Variants in ATP10A observed in about 807,000 individuals in gnomAD.
ATP10A encodes the protein phospholipid-transporting ATPase VA.
Under a neutral mutation model 147.8 loss-of-function variants are expected in ATP10A, and 111 were observed. The observed-to-expected ratio is 0.75, with a 90% confidence interval of 0.64 to 0.88. The LOEUF (loss-of-function observed/expected upper bound fraction) is 0.88, where lower values mean the gene tolerates loss of function less well. ATP10A is among the 40% of genes least tolerant of loss of function. The pLI is 0.00. For missense variants in ATP10A, 1,927 were observed against 1,959.0 expected (o/e 0.98, Z 0.31); for synonymous variants, 875 against 841.6 (o/e 1.04, Z -0.69).
chr15:25,685,901 G>T (rs1899687684), intron 16 of ATP10A, among the ~76,000 whole-genome samples: 3 of 151,824 alleles, frequency 2.0e-5, no homozygotes, highest in Admixed American at 2.0e-4. Context: ...TAGAAAGGGG[G>T]CTTGGATTCT....
chr15:25,728,023 C>T (rs1356760367), intron 3 of ATP10A, among the ~76,000 whole-genome samples: 2 of 152,168 alleles, frequency 1.3e-5, no homozygotes, highest in East Asian at 1.9e-4. Context: ...TGCTGTGGTT[C>T]CAGGTTTCCA....
chr15:25,820,762 C>A (rs1891845508), intron 1 of ATP10A, among the ~76,000 whole-genome samples: 1 of 151,988 alleles, frequency 6.6e-6, no homozygotes, highest in African/African-American at 2.4e-5. Flanking sequence ...ACACCTGTAC[C>A]CAAACAGAAT....
chr15:25,824,952 GGAGTCT>G (rs1892056051), intron 1 of ATP10A, among the ~76,000 whole-genome samples: 1 of 152,138 alleles, frequency 6.6e-6, no homozygotes, highest in Non-Finnish European at 1.5e-5. Context: ...CTTAAGCCCA[GGAGTCT>G]GAGGTTGCAG....
intron 12 of ATP10A, 86 bp from the exon 13 acceptor site, chr15:25,702,186 C>T (rs2140346186): frequency 7.3e-7 from 1 of 1,372,084 alleles, no homozygotes; most frequent in East Asian, 2.3e-5. Flanking sequence ...GCACCAGATA[C>T]ACCGAAGGCA....
At chr15:25,792,304 G>T (rs534661727) in intron 1 of ATP10A, among the ~76,000 whole-genome samples, 3 of 152,338 alleles carry the variant, frequency 2.0e-5, no homozygotes, top group African/African-American at 7.2e-5. Flanking sequence ...AAAGGTACCT[G>T]CTCAGGGTGG....
chr15:25,765,548 C>T (rs1218810685), intron 2 of ATP10A, among the ~76,000 whole-genome samples: 2 of 152,168 alleles, frequency 1.3e-5, no homozygotes, highest in African/African-American at 4.8e-5. Context: ...CTGTCCTGCT[C>T]TCATGTGCAG....
intron 1 of ATP10A, among the ~76,000 whole-genome samples, chr15:25,807,496 A>G (rs1305450258): frequency 6.6e-6 from 1 of 152,250 alleles, no homozygotes; most frequent in Admixed American, 6.5e-5. Flanking sequence ...CATTCACCAA[A>G]TATTTTTAAA....
downstream of ATP10A, among the ~76,000 whole-genome samples, chr15:25,673,695 C>A (rs560921818): frequency 6.8e-4 from 103 of 152,288 alleles, no homozygotes; most frequent in South Asian, 2.3e-3. Context: ...TGCTTTGGCT[C>A]ATTTTTGAGA....
chr15:25,810,411 C>T (rs563187471), intron 1 of ATP10A, among the ~76,000 whole-genome samples: 3 of 152,140 alleles, frequency 2.0e-5, no homozygotes, highest in Non-Finnish European at 4.4e-5. Context: ...CAGCCCAGCC[C>T]GAGGTTCTTA....
chr15:25,750,985 A>C (rs1008316640), intron 2 of ATP10A, among the ~76,000 whole-genome samples: 2 of 152,138 alleles, frequency 1.3e-5, no homozygotes, highest in African/African-American at 4.8e-5. Context: ...GCTTAAATCT[A>C]ACCATGTCAT....
Position 25,769,969 on chromosome 15 carries a change from C to T in ATP10A, c.654+11050G>A, listed in dbSNP as rs1480673780. 7.9e-5 allele frequency among the ~76,000 whole-genome samples: 12 copies of T among 152,296 alleles called. No homozygotes were observed. The East Asian group carries it at 1.4e-3, about 17-fold the overall frequency. On this transcript the variant is annotated intron_variant, in intron 2 of 20. Transcript: ENST00000555815. ...CAGAACACAGACATACACAGAGGGA[C>T]GACCACCTGCAAGCCCAGGAGAGAG... is the stretch of plus-strand genomic sequence containing the variant.
chr15:25,832,155 C>A (rs1029712036), intron 1 of ATP10A, among the ~76,000 whole-genome samples: 1 of 152,102 alleles, frequency 6.6e-6, no homozygotes, highest in Non-Finnish European at 1.5e-5. Flanking sequence ...TAAGGACTGG[C>A]GGCCACCACA....
At chr15:25,759,948 T>A (rs904084952) in intron 2 of ATP10A, among the ~76,000 whole-genome samples, 3 of 150,956 alleles carry the variant, frequency 2.0e-5, no homozygotes, top group Non-Finnish European at 4.4e-5. Flanking sequence ...CAGTGATCTG[T>A]GTTCCTATCT....
At chr15:25,780,914 G>T in intron 2 of ATP10A, 105 bp downstream of exon 2, 1 of 1,288,280 alleles carries the variant, frequency 7.8e-7, no homozygotes, top group Non-Finnish European at 1.1e-6. Flanking sequence ...AAACAGCCTG[G>T]TCTGACAGAC....
Position 25,727,321 on chromosome 15 carries a change from T to TGG in ATP10A, c.741-57_741-56dup, listed in dbSNP as rs1300719133. On this transcript the variant is annotated intron_variant, in intron 3 of 20. Coordinates refer to ENST00000555815, the MANE Select transcript of ATP10A (RefSeq NM_024490.4). ...TGGTTGCAGGCCTGTGCCTCATGTC[T>TGG]GGAGCCGCAATGCCTTGAGGAAGGA... The TGG allele has an allele frequency of 7.8e-6, 11 of 1,409,570 alleles. No individual in the cohort carries two copies. In the East Asian group the frequency reaches 2.3e-4, roughly 29 times the overall value. 87.3% of individuals were successfully genotyped at this position (1,409,570 alleles called of 1,614,324 possible).
chr15:25,815,186 A>C lies in ATP10A; in HGVS notation c.450-33963T>G, dbSNP rs146001519. Among the ~76,000 whole-genome samples the C allele has an allele frequency of 4.6e-5, 7 of 152,324 alleles. No individual in the cohort carries two copies. In the East Asian group the frequency reaches 1.4e-3, roughly 29 times the overall value. On this transcript the variant is annotated intron_variant, in intron 1 of 20. Transcript: ENST00000555815. ...CCGACTACTATTCTCCATCATAAGA[A>C]AAACAAAACCACAAATAAATGCCTA... is the stretch of plus-strand genomic sequence containing the variant.
intron 1 of ATP10A, among the ~76,000 whole-genome samples, chr15:25,842,885 G>A (rs1432585435): frequency 6.6e-6 from 1 of 152,022 alleles, no homozygotes; most frequent in African/African-American, 2.4e-5. Flanking sequence ...GGCTATTTAT[G>A]TATGTATACA....
intron 13 of ATP10A, among the ~76,000 whole-genome samples, chr15:25,700,470 G>A (rs1900598250): frequency 6.6e-6 from 1 of 152,194 alleles, no homozygotes; most frequent in Non-Finnish European, 1.5e-5. Context: ...TGCAAAATCT[G>A]GTGTTAGTGG....
At chr15:25,706,088 A>G (rs1900991997) in intron 12 of ATP10A, among the ~76,000 whole-genome samples, 1 of 152,218 alleles carries the variant, frequency 6.6e-6, no homozygotes, top group African/African-American at 2.4e-5. Flanking sequence ...CTGATTTTAG[A>G]TCTTCACACA....
Sources: allele counts gnomAD v4.1 joint callset (sites outside exome capture counted in the v4.1 genomes callset), GRCh38; gene constraint gnomAD v4.1.1; transcripts MANE v1.5; gene names NCBI Gene and HGNC (gene_info 2026-07-23, HGNC 2026-07-21).